The following CLEC12A variants were observed in gnomAD, a reference collection of about 807,000 sequenced individuals.
CLEC12A encodes the protein C-type lectin domain family 12 member A.
Under a neutral mutation model 26.5 loss-of-function variants are expected in CLEC12A, and 22 were observed. That is an observed-to-expected ratio of 0.83 (90% CI 0.59 to 1.19). The LOEUF (loss-of-function observed/expected upper bound fraction) is 1.19, where lower values mean the gene tolerates loss of function less well. CLEC12A is among the 50% of genes most tolerant of loss of function. CLEC12A has a pLI of 0.00. For missense variants in CLEC12A, 353 were observed against 315.6 expected (o/e 1.12, Z -0.90); for synonymous variants, 119 against 101.9 (o/e 1.17, Z -1.01).
chr12:9,979,643 A>G, intron 3 of CLEC12A, 119 bp downstream of exon 3: 4 of 723,742 alleles, frequency 5.5e-6, no homozygotes, highest in Non-Finnish European at 8.8e-6. Context: ...TTTGGGGGAA[A>G]GAATTACATG....
chr12:10,003,069 AAAGG>A, the CLEC12A span, among the ~76,000 whole-genome samples: 1 of 152,188 alleles, frequency 6.6e-6, no homozygotes, highest in South Asian at 2.1e-4. Flanking sequence ...GACAGAAACA[AAAGG>A]AAGTGAGTAT....
intron 5 of CLEC12A, chr12:9,983,590 T>C (rs905515848): frequency 6.4e-5 from 43 of 674,920 alleles, no homozygotes; most frequent in Middle Eastern, 3.8e-4. Flanking sequence ...TGGAAGTCCA[T>C]CATTTAACAC....
chr12:9,952,407 C>T lies in CLEC12A; in HGVS notation c.10+1051C>T, dbSNP rs1294752229. ...GGCCGGGCCGGTCTCCAGCCCCTAA[C>T]CGCGAGTGATCCGCCAGCCTTGGCC... On this transcript the variant is annotated intron_variant, in intron 1 of 6. Transcript: ENST00000355690. The T allele has an allele frequency of 5.6e-5, 9 of 160,618 alleles. No homozygotes were observed. The South Asian group carries it at 9.6e-4, about 17-fold the overall frequency. The allele number at this position is 160,618 out of a possible 1,614,324, so 9.9% of individuals were successfully genotyped here. A position where few individuals can be genotyped will look rare whatever the true frequency, so the allele number is the denominator to read the frequency against.
chr12:9,988,023 G>A (rs1864809619), downstream of CLEC12A, among the ~76,000 whole-genome samples: 1 of 152,084 alleles, frequency 6.6e-6, no homozygotes, highest in African/African-American at 2.4e-5. Context: ...GCTAAAATGA[G>A]TTAAGACTTT....
downstream of CLEC12A, chr12:9,997,071 T>C: frequency 6.2e-7 from 1 of 1,609,358 alleles, no homozygotes; most frequent in Non-Finnish European, 8.5e-7. Context: ...CATTCAATGT[T>C]TTCTGCAGAT....
downstream of CLEC12A, among the ~76,000 whole-genome samples, chr12:9,989,469 A>T (rs933079070): frequency 3.3e-5 from 5 of 152,244 alleles, no homozygotes; most frequent in African/African-American, 1.2e-4. Flanking sequence ...GTCTGGATAC[A>T]AGACGAAACC....
At chr12:9,977,141 G>C (rs1367233456) in intron 1 of CLEC12A, among the ~76,000 whole-genome samples, 2 of 152,116 alleles carry the variant, frequency 1.3e-5, no homozygotes, top group Non-Finnish European at 2.9e-5. Context: ...CTACAAATGT[G>C]CATATCTACC....
At chr12:9,966,459 G>A (rs1003111409), upstream of CLEC12A, among the ~76,000 whole-genome samples, 2 of 152,182 alleles carry the variant, frequency 1.3e-5, no homozygotes, top group Non-Finnish European at 2.9e-5. Context: ...TGCACAGATG[G>A]GACATGGCTT....
Position 9,979,397 on chromosome 12 carries a change from G to C in CLEC12A, c.252G>C (p.Glu84Asp), listed in dbSNP as rs781591718. ...KMNKLQNISEELQRNISLQLM... is the reference protein window; with the variant it reads ...KMNKLQNISEDLQRNISLQLM... ...ACAAACTACAAAACATCAGTGAAGA[G>C]CTCCAGAGAAATATTTCTCTACAAC... is the stretch of plus-strand genomic sequence containing the variant. Residue 84 changes from glutamate to aspartate, a missense_variant, in exon 3 of 6, where the codon GAG becomes GAC. Glu to Asp is a conservative substitution (Grantham distance 45, BLOSUM62 2). Coordinates refer to ENST00000304361, the MANE Select transcript of CLEC12A (RefSeq NM_138337.6). The C allele has an allele frequency of 6.2e-7, 1 of 1,610,482 alleles. No homozygotes were observed. The highest frequency in any genetic ancestry group is 8.5e-7 in the Non-Finnish European group (1 of 1,178,006).
chr12:10,004,266 A>C, the CLEC12A span, among the ~76,000 whole-genome samples: 1 of 152,184 alleles, frequency 6.6e-6, no homozygotes, highest in Admixed American at 6.5e-5. Context: ...GCCTTTTCTC[A>C]AGGGCAGAGG....
chr12:9,979,191 C>A, intron 2 of CLEC12A, 127 bp downstream of exon 2: 1 of 968,080 alleles, frequency 1.0e-6, no homozygotes, highest in Non-Finnish European at 1.6e-6. Flanking sequence ...GGAGGACTTA[C>A]AATGTGGAAC....
chr12:9,995,367 T>G, exon 5 of CLEC12A: 1 of 810,098 alleles, frequency 1.2e-6, no homozygotes, highest in Non-Finnish European at 2.1e-6. Context: ...ATATTAGTAT[T>G]AATGGATTAC....
downstream of CLEC12A, among the ~76,000 whole-genome samples, chr12:9,986,425 C>CCCTT (rs766832573): frequency 3.9e-5 from 4 of 102,870 alleles, no homozygotes; most frequent in Non-Finnish European, 7.9e-5. Flanking sequence ...CCCCCCCCCC[C>CCCTT]TTTTTTTCTA....
chr12:9,989,134 G>A (rs1468880453), downstream of CLEC12A, among the ~76,000 whole-genome samples: 1 of 148,484 alleles, frequency 6.7e-6, no homozygotes. Flanking sequence ...AACACCGCAT[G>A]TTCTCACTCA....
At chr12:9,971,388 C>A, upstream of CLEC12A, 1 of 1,187,990 alleles carries the variant, frequency 8.4e-7, no homozygotes, top group Non-Finnish European at 1.0e-6. Context: ...ATGTTCTTAA[C>A]TGAAGCCACA....
chr12:9,990,036 GA>G (rs1004422945), downstream of CLEC12A, among the ~76,000 whole-genome samples: 19 of 146,848 alleles, frequency 1.3e-4, no homozygotes, highest in Middle Eastern at 3.4e-3. Context: ...ACACTGCTCA[GA>G]AAAAAAAAAG....
intron 1 of CLEC12A, among the ~76,000 whole-genome samples, chr12:9,965,836 G>A (rs1863930606): frequency 6.6e-6 from 1 of 152,068 alleles, no homozygotes; most frequent in Admixed American, 6.5e-5. Flanking sequence ...AGCGGGGTAA[G>A]GTGATTAGGT....
downstream of CLEC12A, chr12:9,996,983 G>T (rs745307443): frequency 6.2e-7 from 1 of 1,613,932 alleles, no homozygotes. Flanking sequence ...GTGTCACAGG[G>T]GCTGCATTTA....
At chr12:9,968,466 G>T (rs990213370), upstream of CLEC12A, among the ~76,000 whole-genome samples, 1 of 152,092 alleles carries the variant, frequency 6.6e-6, no homozygotes, top group African/African-American at 2.4e-5. Flanking sequence ...GGCAGGAGTG[G>T]GGGTAACAAG....
Sources: gnomAD v4.1 joint callset for allele counts (sites outside exome capture counted in the v4.1 genomes callset) on GRCh38, gnomAD v4.1.1 for gene constraint, MANE v1.5 for transcripts, NCBI Gene and HGNC (gene_info 2026-07-23, HGNC 2026-07-21) for gene names.